Variants in CES2 observed in about 807,000 individuals in gnomAD.
The protein encoded by CES2 is cocaine esterase.
Under a neutral mutation model 52.1 loss-of-function variants are expected in CES2, and 42 were observed. The observed-to-expected ratio is 0.81, with a 90% CI of 0.63 to 1.04. The LOEUF (loss-of-function observed/expected upper bound fraction) is 1.04, where lower values mean the gene tolerates loss of function less well. Ranked by LOEUF, CES2 falls within the 50% of genes least tolerant of loss-of-function variation. CES2 has a pLI of 0.00. For missense variants in CES2, 656 were observed against 724.3 expected (o/e 0.91, Z 1.08); for synonymous variants, 277 against 289.6 (o/e 0.96, Z 0.44).
intron 8 of CES2, 122 bp from the exon 9 acceptor site, chr16:66,941,983 T>C (rs775834755): frequency 1.1e-5 from 17 of 1,511,648 alleles, no homozygotes; most frequent in Non-Finnish European, 1.4e-5. Flanking sequence ...TGTTTAGGGG[T>C]GGGGTCACCT....
At position 66,942,255 on chromosome 16, in the gene CES2, T is replaced by C. The variant is rs753027020; in HGVS notation, c.1282+6T>C. 2.5e-6 allele frequency: 4 copies of C among 1,605,794 alleles called. No individual in the cohort carries two copies. The highest frequency in any genetic ancestry group is 1.7e-6 in the Non-Finnish European group (2 of 1,174,198). ...CCAAGTAGCACATTTTCAGTGTGAG[T>C]ATATTTGGACCAAAGCCTGGCGGGC... On this transcript the variant is annotated splice_donor_region_variant and intron_variant, in intron 9 of 11. Coordinates refer to ENST00000317091, the MANE Select transcript of CES2 (RefSeq NM_001365405.1).
In CES2 at chr16:66,944,306, CAAAA is replaced by C. The variant is rs35024917; in HGVS notation, c.*296_*299del. The C allele has an allele frequency of 5.9e-4, 46 of 78,168 alleles. No individual in the cohort carries two copies. Among genetic ancestry groups the C allele is most frequent in the Middle Eastern group, 6.7e-3 (1 of 150 alleles). 4.8% of individuals were successfully genotyped at this position (78,168 alleles called of 1,614,324 possible). Reference sequence around the variant, plus strand: ...AGGGCAACACAGTGAGACCCCTTCTCAAAAAAAAAAAAAAAAAAGAGAGAGTGTG... The same window carrying C: ...AGGGCAACACAGTGAGACCCCTTCTCAAAAAAAAAAAAAAGAGAGAGTGTG... On this transcript the variant is annotated 3_prime_UTR_variant, in exon 12 of 12. Transcript: ENST00000317091.
Position 66,944,124 on chromosome 16 carries a change from C to T in CES2, c.*99C>T, listed in dbSNP as rs959722119. The T allele has an allele frequency of 1.1e-5, 6 of 565,070 alleles. No homozygotes were observed. Among genetic ancestry groups the T allele is most frequent in the Non-Finnish European group, 1.5e-5 (5 of 335,980 alleles). 35.0% of individuals were successfully genotyped at this position (565,070 alleles called of 1,614,324 possible). ...CTAAGGAGAAAGAAGTTGATTCCTTCATTCACTTCGCCATTCATTCATACT... is the reference window on the plus strand; with the variant it reads ...CTAAGGAGAAAGAAGTTGATTCCTTTATTCACTTCGCCATTCATTCATACT... On this transcript the variant is annotated 3_prime_UTR_variant, in exon 12 of 12. Transcript: ENST00000317091.
At chr16:66,941,720 TC>T in intron 7 of CES2, 47 bp from the exon 8 acceptor site, 1 of 1,613,870 alleles carries the variant, frequency 6.2e-7, no homozygotes, top group East Asian at 2.2e-5. Flanking sequence ...GCTTCATAGC[TC>T]CAGGCTCATC....
intron 7 of CES2, 46 bp from the exon 8 acceptor site, chr16:66,941,722 C>T (rs1963369345): frequency 6.2e-7 from 1 of 1,613,922 alleles, no homozygotes; most frequent in Non-Finnish European, 8.5e-7. Flanking sequence ...TTCATAGCTC[C>T]AGGCTCATCC....
upstream of CES2, chr16:66,934,544 G>C: frequency 2.2e-6 from 2 of 922,580 alleles, no homozygotes; most frequent in Non-Finnish European, 3.1e-6. The surrounding 1 kb of genome is among the most constrained non-coding windows in gnomAD (Gnocchi z 4.1). Flanking sequence ...GCTCGGACCC[G>C]GGAACATGAT....
At chr16:66,942,560 C>A in intron 9 of CES2, 88 bp from the exon 10 acceptor site, 2 of 1,478,654 alleles carry the variant, frequency 1.4e-6, no homozygotes, top group Non-Finnish European at 1.9e-6. Flanking sequence ...TTCCAGCCAG[C>A]TTTGGACCTA....
At chr16:66,936,000 G>C in intron 1 of CES2, 1 of 1,369,038 alleles carries the variant, frequency 7.3e-7, no homozygotes, top group East Asian at 2.9e-5. Context: ...GGTCGGAGTG[G>C]GTGAGGGATT....
At chr16:66,941,890 C>T (rs773170953) in intron 8 of CES2, 42 bp downstream of exon 8, 3 of 1,612,562 alleles carry the variant, frequency 1.9e-6, no homozygotes, top group African/African-American at 2.7e-5. Context: ...ACGGGCTCCT[C>T]TCCTGTCCTG....
Position 66,942,197 on chromosome 16 carries a change from G to A in CES2, c.1230G>A (p.Met410Ile). 6.2e-7 allele frequency: 1 copy of A among 1,613,916 alleles called. No homozygotes were observed. Among genetic ancestry groups the A allele is most frequent in the South Asian group, 1.1e-5 (1 of 91,048 alleles). Residue 410 changes from methionine (M) to isoleucine (I), a missense_variant, in exon 9 of 12, where the codon ATG (methionine) becomes ATA (isoleucine). Coordinates refer to ENST00000317091, the MANE Select transcript of CES2 (RefSeq NM_001365405.1). ...CCCTCCAAGCGCAGTTCCAGGAGAT[G>A]ATGGCGGACTCCATGTTTGTGATCC... ...PQTLQAQFQE[M>I]MADSMFVIPA...
At chr16:66,941,719 C>G in intron 7 of CES2, 49 bp from the exon 8 acceptor site, 1 of 1,613,870 alleles carries the variant, frequency 6.2e-7, no homozygotes, top group Non-Finnish European at 8.5e-7. Context: ...GGCTTCATAG[C>G]TCCAGGCTCA....
At chr16:66,942,606 CA>C in intron 9 of CES2, 41 bp from the exon 10 acceptor site, 2 of 1,610,602 alleles carry the variant, frequency 1.2e-6, no homozygotes, top group Non-Finnish European at 1.7e-6. Flanking sequence ...AAGAAGTCTT[CA>C]GGGGGAGGGG....
In CES2 at chr16:66,943,220, G is replaced by A. The variant is rs28382826; in HGVS notation, c.1421-79G>A. On this transcript the variant is annotated intron_variant, in intron 10 of 11. Coordinates refer to ENST00000317091, the MANE Select transcript of CES2 (RefSeq NM_001365405.1). The surrounding 1 kb of genome is among the most constrained non-coding windows in gnomAD (Gnocchi z 4.2). ...AAGCAGGACTGGGGACCGAGGTCTCGGGGGCCAAGGACGAGCTCCACCTGG... is the reference window on the plus strand; with the variant it reads ...AAGCAGGACTGGGGACCGAGGTCTCAGGGGCCAAGGACGAGCTCCACCTGG... The A allele has an allele frequency of 9.3e-4, 1,364 of 1,472,138 alleles. 4 individuals carry two copies. In the African/African-American group the frequency reaches 0.017, roughly 19 times the overall value. The allele number at this position is 1,472,138 out of a possible 1,614,324, so 91.2% of individuals were successfully genotyped here.
At chr16:66,938,336 A>C (rs1422306192) in intron 2 of CES2, 95 bp downstream of exon 2, 3 of 856,284 alleles carry the variant, frequency 3.5e-6, no homozygotes, top group African/African-American at 1.7e-5. Context: ...TTTCATCTAA[A>C]CCCCCACAGC....
chr16:66,939,364 T>C lies in CES2; in HGVS notation c.423+6T>C. The C allele has an allele frequency of 6.2e-7, 1 of 1,613,912 alleles. No individual in the cohort carries two copies. Among genetic ancestry groups the C allele is most frequent in the Non-Finnish European group, 8.5e-7 (1 of 1,179,916 alleles). Reference sequence around the variant, plus strand: ...ATGAAGGCTCTAACCTGCCGGTGGGTGTCAGGCCACAGTTCACTGGGGGTT... The same window carrying C: ...ATGAAGGCTCTAACCTGCCGGTGGGCGTCAGGCCACAGTTCACTGGGGGTT... On this transcript the variant is annotated splice_donor_region_variant and intron_variant, in intron 3 of 11. Transcript: ENST00000317091.
chr16:66,937,362 C>A (rs1413886890), intron 1 of CES2, among the ~76,000 whole-genome samples: 1 of 152,214 alleles, frequency 6.6e-6, no homozygotes. Flanking sequence ...CCGCAGTACA[C>A]ACAGTGCCCA....
intron 1 of CES2, chr16:66,935,974 C>G (rs1309082378): frequency 1.3e-5 from 18 of 1,397,570 alleles, no homozygotes; most frequent in Non-Finnish European, 1.7e-5. Context: ...CATGCCAGGC[C>G]GGGTAGGCAG....
Position 66,940,719 on chromosome 16 carries a change from C to T in CES2, c.816+24C>T, listed in dbSNP as rs1314259219. 4 of 1,608,676 alleles carry T rather than the reference C, an allele frequency of 2.5e-6. No individual in the cohort carries two copies. In the South Asian group the frequency reaches 3.3e-5, roughly 13 times the overall value. ...CGGTGAGTGCCCTCAGCTGAAGAGG[C>T]CTAGGCCTGCTCCCTCCCCTCATAT... On this transcript the variant is annotated intron_variant, in intron 5 of 11. Transcript: ENST00000317091.
Position 66,942,687 on chromosome 16 carries a change from A to T in CES2, c.1322A>T (p.Gln441Leu). ...APVYFYEFQH[Q>L]PSWLKNIRPP... ...GTGTACTTCTACGAGTTCCAGCATC[A>T]GCCCAGCTGGCTCAAGAACATCAGG... Residue 441 changes from glutamine to leucine, a missense_variant, in exon 10 of 12, where the codon CAG (glutamine) becomes CTG (leucine). Transcript: ENST00000317091. 1 of 1,614,224 alleles carries T rather than the reference A, an allele frequency of 6.2e-7. No individual in the cohort carries two copies.
Sources: allele counts gnomAD v4.1 joint callset (sites outside exome capture counted in the v4.1 genomes callset), GRCh38; gene constraint gnomAD v4.1.1; non-coding constraint Gnocchi (gnomAD v3.1); transcripts MANE v1.5; gene names NCBI Gene and HGNC (gene_info 2026-07-23, HGNC 2026-07-21).